COMMD1: variants seen among roughly 807,000 people sequenced by gnomAD.
COMMD1 encodes the protein COMM domain-containing protein 1.
Under a neutral mutation model 17.2 loss-of-function variants are expected in COMMD1, and 10 were observed. The observed-to-expected ratio is 0.58, with a 90% CI of 0.36 to 0.99. The LOEUF (loss-of-function observed/expected upper bound fraction) is 0.99, where lower values mean the gene tolerates loss of function less well. COMMD1 is among the 50% of genes least tolerant of loss of function. The pLI is 0.01. For synonymous variants in COMMD1, 97 were observed against 91.6 expected, an observed-to-expected ratio of 1.06 and a Z score of -0.34; for missense variants, 270 against 231.8, an observed-to-expected ratio of 1.17 and a Z score of -1.07.
intron 2 of COMMD1, among the ~76,000 whole-genome samples, chr2:62,117,992 T>TA (rs11438759): frequency 0.84 from 128,325 of 152,188 alleles, 54,575 homozygotes; most frequent in African/African-American, 0.96. Context: ...AGGACCTGAC[T>TA]CCTACTCTGC....
At chr2:62,085,171 C>CT (rs950866869) in intron 2 of COMMD1, among the ~76,000 whole-genome samples, 2 of 151,730 alleles carry the variant, frequency 1.3e-5, no homozygotes, top group African/African-American at 2.4e-5. Flanking sequence ...TTCTAACTCT[C>CT]TTAAGTCCAC....
chr2:61,901,529 A>T (rs1317111251), upstream of COMMD1, among the ~76,000 whole-genome samples: 3 of 152,048 alleles, frequency 2.0e-5, no homozygotes, highest in African/African-American at 7.2e-5. Context: ...AGGCTGACAC[A>T]TGAAAATTGC....
At chr2:62,050,463 C>T (rs1445415396) in intron 2 of COMMD1, among the ~76,000 whole-genome samples, 1 of 152,184 alleles carries the variant, frequency 6.6e-6, no homozygotes, top group East Asian at 1.9e-4. Flanking sequence ...TCTTAAAACA[C>T]TGTATGCATT....
At chr2:61,919,669 A>C (rs546988730) in intron 1 of COMMD1, among the ~76,000 whole-genome samples, 1 of 152,104 alleles carries the variant, frequency 6.6e-6, no homozygotes, top group African/African-American at 2.4e-5. Context: ...TGAGGTAGGA[A>C]CTGGTGCCCT....
intron 1 of COMMD1, among the ~76,000 whole-genome samples, chr2:61,951,093 A>G (rs1431149383): frequency 6.6e-6 from 1 of 152,176 alleles, no homozygotes; most frequent in Non-Finnish European, 1.5e-5. Flanking sequence ...GCTGAATTCC[A>G]GGAAACTCCC....
intron 2 of COMMD1, among the ~76,000 whole-genome samples, chr2:62,061,485 T>C (rs1206950344): frequency 6.6e-6 from 1 of 152,144 alleles, no homozygotes; most frequent in Non-Finnish European, 1.5e-5. Flanking sequence ...AGTTTACTTG[T>C]CAGCCAGAAA....
At chr2:62,081,412 C>T (rs145051377) in intron 2 of COMMD1, among the ~76,000 whole-genome samples, 1,839 of 149,118 alleles carry the variant, frequency 0.012, 40 homozygotes, top group African/African-American at 0.044. Context: ...CCACCACACC[C>T]GGCTAATTTT....
At chr2:61,979,936 C>T (rs1368717927) in intron 1 of COMMD1, among the ~76,000 whole-genome samples, 2 of 109,580 alleles carry the variant, frequency 1.8e-5, no homozygotes, top group Non-Finnish European at 3.7e-5. Flanking sequence ...GTGTGATATT[C>T]CCCTTCCTGT....
At chr2:62,010,224 A>T (rs1296714986) in intron 2 of COMMD1, among the ~76,000 whole-genome samples, 1 of 152,080 alleles carries the variant, frequency 6.6e-6, no homozygotes, top group African/African-American at 2.4e-5. Flanking sequence ...GACATACTTG[A>T]ATTACCTTGT....
At chr2:62,059,120 A>G (rs1670787469) in intron 2 of COMMD1, among the ~76,000 whole-genome samples, 1 of 152,136 alleles carries the variant, frequency 6.6e-6, no homozygotes. Context: ...TCAGACATAT[A>G]TACATTTCTG....
At chr2:61,999,992 G>T (rs1668881158) in intron 1 of COMMD1, among the ~76,000 whole-genome samples, 1 of 139,860 alleles carries the variant, frequency 7.2e-6, no homozygotes, top group Non-Finnish European at 1.5e-5. Flanking sequence ...GGTGTGATCT[G>T]AGCTACTGCT....
At chr2:61,940,158 G>A (rs981276088) in intron 1 of COMMD1, among the ~76,000 whole-genome samples, 3 of 152,118 alleles carry the variant, frequency 2.0e-5, no homozygotes, top group Non-Finnish European at 2.9e-5. Context: ...AGGCTACAAA[G>A]TGGAGGATTT....
intron 2 of COMMD1, among the ~76,000 whole-genome samples, chr2:62,110,395 C>T (rs576142078): frequency 6.6e-6 from 1 of 152,192 alleles, no homozygotes; most frequent in Non-Finnish European, 1.5e-5. Flanking sequence ...TTATTTAAAG[C>T]TGAATCCCCA....
intron 2 of COMMD1, among the ~76,000 whole-genome samples, chr2:62,033,294 A>C (rs1265119035): frequency 6.6e-6 from 1 of 152,234 alleles, no homozygotes; most frequent in Non-Finnish European, 1.5e-5. Flanking sequence ...AGGAAACCAT[A>C]GTTTTAAGAT....
intron 1 of COMMD1, among the ~76,000 whole-genome samples, chr2:61,923,465 G>A (rs1670247883): frequency 6.6e-6 from 1 of 152,034 alleles, no homozygotes; most frequent in Non-Finnish European, 1.5e-5. Flanking sequence ...TGAATGAGTT[G>A]TAATAGGATA....
intron 2 of COMMD1, among the ~76,000 whole-genome samples, chr2:62,071,678 A>G (rs1268872022): frequency 2.0e-5 from 3 of 152,162 alleles, no homozygotes; most frequent in African/African-American, 7.2e-5. Flanking sequence ...AACTATTATA[A>G]ATCAAAAATA....
intron 2 of COMMD1, among the ~76,000 whole-genome samples, chr2:62,045,909 G>A (rs1463833883): frequency 6.7e-6 from 1 of 150,370 alleles, no homozygotes; most frequent in Non-Finnish European, 1.5e-5. Context: ...GCTAATTTTT[G>A]TATTTTCAGT....
At chr2:62,091,746 C>T (rs1452146600) in intron 2 of COMMD1, among the ~76,000 whole-genome samples, 1 of 152,154 alleles carries the variant, frequency 6.6e-6, no homozygotes, top group East Asian at 1.9e-4. Context: ...CATGCTATGG[C>T]AGTTTATACA....
rs570242126 is a variant in COMMD1, at chr2:62,077,534, C to T, written c.463-58297C>T. Among the ~76,000 whole-genome samples, 46 of 152,220 alleles carry T rather than the reference C, an allele frequency of 3.0e-4. No individual in the cohort carries two copies. In the South Asian group the frequency reaches 9.5e-3, roughly 32 times the overall value. On this transcript the variant is annotated intron_variant, in intron 2 of 2. Coordinates refer to ENST00000311832, the MANE Select transcript of COMMD1 (RefSeq NM_152516.4). ...CAACTTGTATAGCCTCCCACACATCCCTATTATCATACTTTACTTCACATT... is the reference window on the plus strand; with the variant it reads ...CAACTTGTATAGCCTCCCACACATCTCTATTATCATACTTTACTTCACATT...
Sources: allele counts gnomAD v4.1 joint callset (sites outside exome capture counted in the v4.1 genomes callset), GRCh38; gene constraint gnomAD v4.1.1; transcripts MANE v1.5; gene names NCBI Gene and HGNC (gene_info 2026-07-23, HGNC 2026-07-21).